ASXL3: variants seen among roughly 807,000 people sequenced by gnomAD.
ASXL3 encodes the protein putative Polycomb group protein ASXL3.
Under a neutral mutation model 170.6 loss-of-function variants are expected in ASXL3, and 34 were observed. That is an observed-to-expected ratio of 0.20 (90% CI 0.15 to 0.27). The LOEUF (loss-of-function observed/expected upper bound fraction) is 0.27, where lower values mean the gene tolerates loss of function less well. Among genes scored for constraint, ASXL3 ranks in the 10% least tolerant of loss-of-function variants. The pLI, the probability that ASXL3 is intolerant of heterozygous loss-of-function variation, is 1.00. For synonymous variants in ASXL3, 1,002 were observed against 989.1 expected, an observed-to-expected ratio of 1.01 and a Z score of -0.24; for missense variants, 2,592 against 2,695.3, an observed-to-expected ratio of 0.96 and a Z score of 0.85.
intron 8 of ASXL3, among the ~76,000 whole-genome samples, chr18:33,718,440 G>A (rs2067202593): frequency 6.6e-6 from 1 of 152,128 alleles, no homozygotes; most frequent in Admixed American, 6.6e-5. Flanking sequence ...AAAGTAGCAT[G>A]CAGTTATTAT....
chr18:33,602,164 A>G (rs1053851506), intron 1 of ASXL3, among the ~76,000 whole-genome samples: 3 of 151,926 alleles, frequency 2.0e-5, no homozygotes, highest in Non-Finnish European at 2.9e-5. Flanking sequence ...ACCTTGACTT[A>G]TGATAATCTA....
chr18:33,604,920 T>C (rs1280060409), intron 1 of ASXL3, among the ~76,000 whole-genome samples: 1 of 151,972 alleles, frequency 6.6e-6, no homozygotes, highest in Non-Finnish European at 1.5e-5. Flanking sequence ...GATGTTAATA[T>C]TTCACTTTAG....
chr18:33,648,668 C>G (rs1213386606), intron 4 of ASXL3, among the ~76,000 whole-genome samples: 2 of 151,924 alleles, frequency 1.3e-5, no homozygotes, highest in Non-Finnish European at 2.9e-5. Context: ...AACTGGATGA[C>G]ATTACCAAGG....
chr18:33,681,168 A>T (rs917718262), intron 7 of ASXL3, among the ~76,000 whole-genome samples: 4 of 152,034 alleles, frequency 2.6e-5, no homozygotes, highest in Non-Finnish European at 5.9e-5. Context: ...CATGTTGCAT[A>T]CAGTTATTGT....
intron 8 of ASXL3, among the ~76,000 whole-genome samples, chr18:33,717,948 G>T (rs1344834949): frequency 1.3e-5 from 2 of 152,022 alleles, no homozygotes; most frequent in Non-Finnish European, 2.9e-5. Flanking sequence ...TAACCCCTAA[G>T]CAAAAGCTAA....
intron 1 of ASXL3, among the ~76,000 whole-genome samples, chr18:33,601,268 GC>G: frequency 6.6e-6 from 1 of 151,780 alleles, no homozygotes; most frequent in East Asian, 1.9e-4. Context: ...AAAGGGGCCA[GC>G]TTTTTTTTTT....
At chr18:33,709,464 G>A (rs1470544108) in intron 8 of ASXL3, among the ~76,000 whole-genome samples, 2 of 152,128 alleles carry the variant, frequency 1.3e-5, no homozygotes, top group Non-Finnish European at 2.9e-5. Context: ...ATGAACAAAC[G>A]ACATCTACAT....
chr18:33,677,478 A>G (rs1432077558), intron 7 of ASXL3, among the ~76,000 whole-genome samples: 1 of 152,190 alleles, frequency 6.6e-6, no homozygotes, highest in Non-Finnish European at 1.5e-5. Context: ...GCCACAAGAT[A>G]TATTTATATC....
intron 5 of ASXL3, among the ~76,000 whole-genome samples, chr18:33,668,830 T>C (rs2066298081): frequency 6.6e-6 from 1 of 152,152 alleles, no homozygotes; most frequent in African/African-American, 2.4e-5. Flanking sequence ...TTTGACTTTA[T>C]GATTCCAGCT....
At position 33,684,161 on chromosome 18, in the gene ASXL3, T is replaced by C. The variant is rs544555811; in HGVS notation, c.879+593T>C. Among the ~76,000 whole-genome samples the C allele has an allele frequency of 7.2e-5, 11 of 152,304 alleles. No homozygotes were observed. The East Asian group carries it at 2.1e-3, about 29-fold the overall frequency. On this transcript the variant is annotated intron_variant, in intron 8 of 11. Transcript: ENST00000269197. ...ATAATGGCAGCCATCAATCATCTTT[T>C]AAAGCTGTTTGCTTAGGAAAGAAAA...
In ASXL3 at chr18:33,650,371, A is replaced by G. The variant is rs2065978527; in HGVS notation, c.355+4018A>G. ...GAGGGGAATATAGGTCACTTATTCCATTTCCAGGCCCAGTGGTACAAGAGG... is the reference window on the plus strand; with the variant it reads ...GAGGGGAATATAGGTCACTTATTCCGTTTCCAGGCCCAGTGGTACAAGAGG... On this transcript the variant is annotated intron_variant, in intron 4 of 11. Coordinates refer to ENST00000269197, the MANE Select transcript of ASXL3 (RefSeq NM_030632.3). Among the ~76,000 whole-genome samples, 5 of 152,080 alleles carry G rather than the reference A, an allele frequency of 3.3e-5. No individual in the cohort carries two copies. In the South Asian group the frequency reaches 6.2e-4, roughly 19 times the overall value.
chr18:33,584,797 A>G (rs1348380666), intron 1 of ASXL3, among the ~76,000 whole-genome samples: 1 of 152,148 alleles, frequency 6.6e-6, no homozygotes. Context: ...TATAAAAGCA[A>G]GGCTGGGACA....
intron 1 of ASXL3, among the ~76,000 whole-genome samples, chr18:33,593,258 C>CG (rs2065094604): frequency 8.0e-5 from 7 of 87,936 alleles, no homozygotes; most frequent in Admixed American, 6.4e-4. Flanking sequence ...CTATGCCCAC[C>CG]TTTTTTTTTT....
intron 1 of ASXL3, among the ~76,000 whole-genome samples, chr18:33,600,175 G>C (rs913270792): frequency 6.6e-6 from 1 of 152,016 alleles, no homozygotes; most frequent in African/African-American, 2.4e-5. Flanking sequence ...AGAAACTAAG[G>C]ATCTATTAGT....
intron 1 of ASXL3, among the ~76,000 whole-genome samples, chr18:33,587,138 C>T (rs2065041064): frequency 6.6e-6 from 1 of 152,234 alleles, no homozygotes; most frequent in Non-Finnish European, 1.5e-5. Flanking sequence ...TTGTGATTAC[C>T]TTTAACCAAA....
intron 2 of ASXL3, among the ~76,000 whole-genome samples, chr18:33,620,794 A>C (rs1423826627): frequency 6.6e-6 from 1 of 152,092 alleles, no homozygotes; most frequent in African/African-American, 2.4e-5. Flanking sequence ...AAACTTTTGA[A>C]TCCAGTCTTC....
intron 8 of ASXL3, among the ~76,000 whole-genome samples, chr18:33,727,343 G>A (rs1464750843): frequency 6.6e-6 from 1 of 152,036 alleles, no homozygotes; most frequent in East Asian, 1.9e-4. Flanking sequence ...ATATATTATT[G>A]CACTGAATTA....
chr18:33,644,105 A>T (rs1364443886), intron 2 of ASXL3, among the ~76,000 whole-genome samples: 2 of 151,984 alleles, frequency 1.3e-5, no homozygotes, highest in South Asian at 2.1e-4. Context: ...ATTCAAGTAT[A>T]TGAACTCATT....
chr18:33,680,251 T>C (rs1160278634), intron 7 of ASXL3, among the ~76,000 whole-genome samples: 1 of 152,042 alleles, frequency 6.6e-6, no homozygotes, highest in African/African-American at 2.4e-5. Flanking sequence ...TCTAAACATA[T>C]AATGGATATG....
Sources: allele counts gnomAD v4.1 joint callset (sites outside exome capture counted in the v4.1 genomes callset), GRCh38; gene constraint gnomAD v4.1.1; transcripts MANE v1.5; gene names NCBI Gene and HGNC (gene_info 2026-07-23, HGNC 2026-07-21).